SIM1: variants seen among roughly 807,000 people sequenced by gnomAD.
SIM1 encodes the protein SIM bHLH transcription factor 1, also known as single-minded homolog 1.
SIM1 carries 18 observed loss-of-function variants against 78.2 expected under a neutral mutation model. That is an observed-to-expected ratio of 0.23 (90% CI 0.16 to 0.34). SIM1 has a LOEUF of 0.34. Ranked by LOEUF, SIM1 falls within the 10% of genes least tolerant of loss-of-function variation. The pLI is 1.00. For synonymous variants in SIM1, 417 were observed against 385.2 expected (o/e 1.08, Z -0.97); for missense variants, 939 against 975.1 (o/e 0.96, Z 0.49).
chr6:100,454,023 C>T (rs891523767), intron 2 of SIM1, among the ~76,000 whole-genome samples, 179 bp from the exon 3 acceptor site: 25 of 152,220 alleles, frequency 1.6e-4, no homozygotes, highest in Admixed American at 1.3e-3. Context: ...GTCCTGTCAG[C>T]TTCTCAGCAG....
chr6:100,387,338 G>A lies in SIM1; in HGVS notation c.*3023C>T, dbSNP rs946230331. The A allele has an allele frequency of 6.6e-5, 10 of 151,994 alleles. No homozygotes were observed. The highest frequency in any genetic ancestry group is 2.1e-4 in the South Asian group (1 of 4,832). 9.4% of individuals were successfully genotyped at this position (151,994 alleles called of 1,614,324 possible). ...TTTAACTGATTAAATTATCGGGAAC[G>A]TAGTTATTTTATATACTATTTTTAA... On this transcript the variant is annotated 3_prime_UTR_variant, in exon 12 of 12. Transcript: ENST00000369208.
intron 10 of SIM1, among the ~76,000 whole-genome samples, chr6:100,394,347 C>T (rs1219353892): frequency 6.6e-6 from 1 of 152,200 alleles, no homozygotes; most frequent in Non-Finnish European, 1.5e-5. Context: ...TTCGTCTACC[C>T]TAACAGTATT....
In SIM1 at chr6:100,448,130, C is replaced by T; in HGVS notation, c.850+16G>A. ...GCGCCAAGGTTGCTAGGGTACGGGG[C>T]AGGGTGGCGCCTTACGCAAATGGTG... On this transcript the variant is annotated intron_variant, in intron 8 of 11. Transcript: ENST00000369208. The T allele has an allele frequency of 1.2e-6, 2 of 1,600,690 alleles. No individual in the cohort carries two copies. The highest frequency in any genetic ancestry group is 1.7e-4 in the Middle Eastern group (1 of 6,044).
chr6:100,439,609 G>A (rs1772153506), intron 9 of SIM1, among the ~76,000 whole-genome samples: 1 of 152,134 alleles, frequency 6.6e-6, no homozygotes, highest in South Asian at 2.1e-4. Flanking sequence ...CTCAGTCCAT[G>A]TAGAACAATG....
intron 6 of SIM1, 34 bp from the exon 7 acceptor site, chr6:100,448,712 A>G: frequency 6.3e-7 from 1 of 1,583,840 alleles, no homozygotes. Context: ...AGACTCAGCC[A>G]CAGGTAGGAA....
At chr6:100,411,255 CAAAGT>C (rs1314511039) in intron 10 of SIM1, among the ~76,000 whole-genome samples, 1 of 152,154 alleles carries the variant, frequency 6.6e-6, no homozygotes, top group Non-Finnish European at 1.5e-5. Context: ...AACACACATA[CAAAGT>C]AAATAACAGC....
rs1286033463 is a variant in SIM1, at chr6:100,387,726, A to C, written c.*2635T>G. The C allele has an allele frequency of 6.6e-6, 1 of 152,100 alleles. No individual in the cohort carries two copies. Among genetic ancestry groups the C allele is most frequent in the Admixed American group, 6.6e-5 (1 of 15,262 alleles). The allele number at this position is 152,100 out of a possible 1,614,324, so 9.4% of individuals were successfully genotyped here. On this transcript the variant is annotated 3_prime_UTR_variant, in exon 12 of 12. Coordinates refer to ENST00000369208, the MANE Select transcript of SIM1 (RefSeq NM_005068.3). ...TTCTCTTAAAAATATTGGTCATGTC[A>C]TTTTAAAGAGCATTATTCCTTCTGA...
At chr6:100,429,094 C>T (rs1269920184) in intron 9 of SIM1, among the ~76,000 whole-genome samples, 1 of 152,108 alleles carries the variant, frequency 6.6e-6, no homozygotes, top group Non-Finnish European at 1.5e-5. Context: ...CAGGGCTGGG[C>T]ACGGTAGCTC....
intron 10 of SIM1, among the ~76,000 whole-genome samples, chr6:100,406,530 GA>G (rs1755416340): frequency 6.6e-6 from 1 of 152,144 alleles, no homozygotes; most frequent in South Asian, 2.1e-4. Context: ...TTTGTAAAAA[GA>G]AATTGAAGCT....
intron 10 of SIM1, among the ~76,000 whole-genome samples, chr6:100,396,695 C>T (rs935523318): frequency 2.6e-5 from 4 of 152,148 alleles, no homozygotes; most frequent in Non-Finnish European, 1.5e-5. Flanking sequence ...CCAGTGGGCA[C>T]CATCAAAACT....
Position 100,463,637 on chromosome 6 carries a change from C to T in SIM1, c.-169G>A. ...CAGTGTATTGATGGCAGTAAAAGACCAGCGGGGGTGAACGGAAAATATGTT... is the reference window on the plus strand; with the variant it reads ...CAGTGTATTGATGGCAGTAAAAGACTAGCGGGGGTGAACGGAAAATATGTT... On this transcript the variant is annotated 5_prime_UTR_variant, in exon 2 of 12. Transcript: ENST00000369208. 1.7e-6 allele frequency: 1 copy of T among 595,740 alleles called. No individual in the cohort carries two copies. Among genetic ancestry groups the T allele is most frequent in the Non-Finnish European group, 2.9e-6 (1 of 343,648 alleles). The allele number at this position is 595,740 out of a possible 1,614,324, so 36.9% of individuals were successfully genotyped here.
intron 9 of SIM1, among the ~76,000 whole-genome samples, chr6:100,440,426 C>T (rs925601607): frequency 6.6e-6 from 1 of 152,238 alleles, no homozygotes; most frequent in African/African-American, 2.4e-5. Flanking sequence ...TGCAATACCA[C>T]TTTCTGGAGA....
At chr6:100,416,941 A>T (rs746737689) in intron 10 of SIM1, among the ~76,000 whole-genome samples, 3 of 151,736 alleles carry the variant, frequency 2.0e-5, no homozygotes, top group Non-Finnish European at 4.4e-5. Flanking sequence ...CAATCACATT[A>T]ATCCTCTCAT....
In SIM1 at chr6:100,390,079, C is replaced by A; in HGVS notation, c.*282G>T. ...TCAGTCCTCTCATGTAGTATATATG[C>A]ACACTTGATCTACATGAATATTTTT... is the stretch of plus-strand genomic sequence containing the variant. On this transcript the variant is annotated 3_prime_UTR_variant, in exon 12 of 12. Transcript: ENST00000369208. 4.0e-6 allele frequency: 2 copies of A among 496,344 alleles called. No homozygotes were observed. Among genetic ancestry groups the A allele is most frequent in the South Asian group, 6.0e-5 (2 of 33,588 alleles). The allele number at this position is 496,344 out of a possible 1,614,324, so 30.7% of individuals were successfully genotyped here. A position where few individuals can be genotyped will look rare whatever the true frequency, so the allele number is the denominator to read the frequency against.
intron 10 of SIM1, among the ~76,000 whole-genome samples, chr6:100,412,871 G>C (rs1416559595): frequency 6.6e-6 from 1 of 152,008 alleles, no homozygotes; most frequent in Non-Finnish European, 1.5e-5. Flanking sequence ...TCCTTGAAGG[G>C]GCACCCAAGC....
At chr6:100,403,157 C>A (rs1242250186) in intron 10 of SIM1, among the ~76,000 whole-genome samples, 1 of 152,174 alleles carries the variant, frequency 6.6e-6, no homozygotes, top group Admixed American at 6.5e-5. Flanking sequence ...TCAAAACAAG[C>A]ATTCATTTTG....
chr6:100,443,786 T>C (rs1582312928), intron 9 of SIM1, among the ~76,000 whole-genome samples: 1 of 152,214 alleles, frequency 6.6e-6, no homozygotes, highest in East Asian at 1.9e-4. Context: ...TTGAAGTGAT[T>C]TAGCAGGAAA....
chr6:100,463,734 C>A lies in SIM1; in HGVS notation c.-266G>T. On this transcript the variant is annotated 5_prime_UTR_variant, in exon 2 of 12. Transcript: ENST00000369208. ...ATTTGGGCGATCCACCGAATTTGGG[C>A]AATCCTGAGGGTCGTTCAGGGTATC... 1 of 341,976 alleles carries A rather than the reference C, an allele frequency of 2.9e-6. No individual in the cohort carries two copies. The highest frequency in any genetic ancestry group is 5.3e-6 in the Non-Finnish European group (1 of 187,052). 21.2% of individuals were successfully genotyped at this position (341,976 alleles called of 1,614,324 possible).
chr6:100,395,426 G>A (rs1177812308), intron 10 of SIM1, among the ~76,000 whole-genome samples: 2 of 152,076 alleles, frequency 1.3e-5, no homozygotes, highest in Non-Finnish European at 1.5e-5. Context: ...TGGTCTCAAA[G>A]CCTGCACTTG....
Sources: allele counts gnomAD v4.1 joint callset (sites outside exome capture counted in the v4.1 genomes callset), GRCh38; gene constraint gnomAD v4.1.1; transcripts MANE v1.5; gene names NCBI Gene and HGNC (gene_info 2026-07-23, HGNC 2026-07-21).